The following ZMAT2 variants were observed in gnomAD, a reference collection of about 807,000 sequenced individuals.
ZMAT2 encodes the protein zinc finger matrin-type 2.
ZMAT2 carries 5 observed loss-of-function variants against 27.5 expected under a neutral mutation model. The observed-to-expected ratio is 0.18, with a 90% CI of 0.10 to 0.38. The LOEUF (loss-of-function observed/expected upper bound fraction) is 0.38, where lower values mean the gene tolerates loss of function less well. ZMAT2 is among the 10% of genes least tolerant of loss of function. The pLI is 1.00. For missense variants in ZMAT2, 124 were observed against 243.9 expected, an observed-to-expected ratio of 0.51 and a Z score of 3.27; for synonymous variants, 76 against 78.6, an observed-to-expected ratio of 0.97 and a Z score of 0.17.
At chr5:140,704,790 AT>A (rs58877117) in intron 5 of ZMAT2, among the ~76,000 whole-genome samples, 61 of 120,418 alleles carry the variant, frequency 5.1e-4, no homozygotes, top group Admixed American at 5.0e-4. Context: ...TCTGGGCCTT[AT>A]TTTTTTTTTT....
chr5:140,703,778 T>C (rs1760005845), intron 3 of ZMAT2, 140 bp from the exon 4 acceptor site: 1 of 734,752 alleles, frequency 1.4e-6, no homozygotes, highest in South Asian at 1.7e-5. Context: ...ACTGCTATAC[T>C]CTCTCGAAAG....
rs2563300 is a variant in ZMAT2 at position 140,704,810 on chromosome 5, A to T, written c.456+239A>T. On this transcript the variant is annotated intron_variant, in intron 5 of 5. Transcript: ENST00000274712. ...GCCTTATTTTTTTTTTTGTAATTTA[A>T]AAAAAAATTTTTTTTTTTTTTGGTC... is the stretch of plus-strand genomic sequence containing the variant. Among the ~76,000 whole-genome samples, 364 of 59,668 alleles carry T rather than the reference A, an allele frequency of 6.1e-3. 2 individuals carry two copies. Among genetic ancestry groups the T allele is most frequent in the African/African-American group, 0.017 (151 of 8,790 alleles). 39.1% of individuals were successfully genotyped at this position (59,668 alleles called of 152,430 possible).
At chr5:140,701,255 A>G (rs1253330793) in intron 2 of ZMAT2, among the ~76,000 whole-genome samples, 1 of 151,794 alleles carries the variant, frequency 6.6e-6, no homozygotes, top group Non-Finnish European at 1.5e-5. Context: ...GCTATCAGTG[A>G]CCCCCCTCTT....
chr5:140,704,351 A>G, intron 4 of ZMAT2, 75 bp from the exon 5 acceptor site: 1 of 1,525,294 alleles, frequency 6.6e-7, no homozygotes, highest in Non-Finnish European at 8.8e-7. Context: ...GATGTCAGAG[A>G]AGTCAGGAAA....
chr5:140,705,917 G>T lies in ZMAT2; in HGVS notation c.*161G>T. 1.1e-6 allele frequency: 1 copy of T among 907,914 alleles called. No individual in the cohort carries two copies. The highest frequency in any genetic ancestry group is 1.6e-6 in the Non-Finnish European group (1 of 626,650). The allele number at this position is 907,914 out of a possible 1,614,324, so 56.2% of individuals were successfully genotyped here. ...GGCTCATGGTTTCCCTCTACTTTGG[G>T]AGAGGGCACAGATTGCAGAGGTAAT... On this transcript the variant is annotated 3_prime_UTR_variant, in exon 6 of 6. Coordinates refer to ENST00000274712, the MANE Select transcript of ZMAT2 (RefSeq NM_144723.3).
At chr5:140,704,147 TA>T in intron 4 of ZMAT2, 156 bp downstream of exon 4, 1 of 739,470 alleles carries the variant, frequency 1.4e-6, no homozygotes, top group East Asian at 2.6e-5. Context: ...ATGCCCCTAT[TA>T]GAACTCTCCA....
intron 5 of ZMAT2, 122 bp from the exon 6 acceptor site, chr5:140,705,491 A>G: frequency 8.5e-7 from 1 of 1,176,856 alleles, no homozygotes; most frequent in Non-Finnish European, 1.2e-6. Context: ...AGAGATCTTA[A>G]TATACATGAA....
intron 5 of ZMAT2, among the ~76,000 whole-genome samples, chr5:140,705,317 ATT>A (rs35355544): frequency 8.9e-4 from 129 of 145,318 alleles, no homozygotes; most frequent in East Asian, 9.9e-4. Flanking sequence ...CTCCCCCATA[ATT>A]TTTTTTTTTT....
chr5:140,700,843 A>G lies in ZMAT2; in HGVS notation c.43A>G (p.Lys15Glu). The G allele has an allele frequency of 6.2e-7, 1 of 1,614,080 alleles. No homozygotes were observed. Among genetic ancestry groups the G allele is most frequent in the Non-Finnish European group, 8.5e-7 (1 of 1,179,944 alleles). Residue 15 changes from lysine (K) to glutamate (E), a missense_variant, in exon 2 of 6, where the codon AAG (lysine) becomes GAG (glutamate). By Grantham distance (56) the Lys-to-Glu change is moderately conservative. Coordinates refer to ENST00000274712, the MANE Select transcript of ZMAT2 (RefSeq NM_144723.3). ...GACAAAAAACTTGGACTTTCGCCGAAAGTGGGACAAAGATGAATATGAGAA... is the reference window on the plus strand; with the variant it reads ...GACAAAAAACTTGGACTTTCGCCGAGAGTGGGACAAAGATGAATATGAGAA... ...SGTKNLDFRR[K>E]WDKDEYEKLA... is the part of the protein sequence containing the mutation.
At chr5:140,704,087 T>C in intron 4 of ZMAT2, 96 bp downstream of exon 4, 1 of 1,166,010 alleles carries the variant, frequency 8.6e-7, no homozygotes, top group South Asian at 1.3e-5. Flanking sequence ...TTTTTACTCA[T>C]CAAAAGATGG....
At chr5:140,702,182 C>A (rs1209694091) in intron 3 of ZMAT2, 53 bp downstream of exon 3, 22 of 1,597,664 alleles carry the variant, frequency 1.4e-5, no homozygotes, top group East Asian at 4.5e-5. Flanking sequence ...TAATAAGCCA[C>A]CTATTTTGGT....
chr5:140,705,499 G>GAAGT (rs1422421434), intron 5 of ZMAT2, 114 bp from the exon 6 acceptor site: 2 of 1,263,588 alleles, frequency 1.6e-6, no homozygotes, highest in Non-Finnish European at 2.2e-6. Context: ...TAATATACAT[G>GAAGT]AAGTACTCAG....
chr5:140,704,524 C>G lies in ZMAT2; in HGVS notation c.409C>G (p.Gln137Glu), dbSNP rs1760018886. 1 of 1,614,002 alleles carries G rather than the reference C, an allele frequency of 6.2e-7. No individual in the cohort carries two copies. Among genetic ancestry groups the G allele is most frequent in the African/African-American group, 1.3e-5 (1 of 74,990 alleles). Residue 137 changes from glutamine to glutamate, a missense_variant, in exon 5 of 6, where the codon CAG becomes GAG. Coordinates refer to ENST00000274712, the MANE Select transcript of ZMAT2 (RefSeq NM_144723.3). The part of the protein sequence containing the change: ...EVNKKKMEEK[Q>E]KDYDFEERMK... ...CAACAAGAAGAAGATGGAAGAGAAGCAGAAGGATTATGATTTTGAGGAAAG... is the reference window on the plus strand; with the variant it reads ...CAACAAGAAGAAGATGGAAGAGAAGGAGAAGGATTATGATTTTGAGGAAAG...
chr5:140,703,367 A>G (rs1007216269), intron 3 of ZMAT2, among the ~76,000 whole-genome samples: 1 of 151,034 alleles, frequency 6.6e-6, no homozygotes, highest in African/African-American at 2.4e-5. Context: ...CAGCCTCCCA[A>G]GTAGCTGGGA....
At chr5:140,701,184 T>C (rs1759956979) in intron 2 of ZMAT2, among the ~76,000 whole-genome samples, 1 of 152,226 alleles carries the variant, frequency 6.6e-6, no homozygotes, top group Admixed American at 6.5e-5. Context: ...ACAGAGAAGA[T>C]AACGGCATCC....
chr5:140,706,187 A>G lies in ZMAT2; in HGVS notation c.*431A>G, dbSNP rs1040637392. On this transcript the variant is annotated 3_prime_UTR_variant, in exon 6 of 6. Transcript: ENST00000274712. ...AAGCATTCTCTAGGTCCCAGTTTCC[A>G]GTTGATTGCATATCCTTGATCAGCC... 2.4e-5 allele frequency: 4 copies of G among 163,544 alleles called. No homozygotes were observed. The highest frequency in any genetic ancestry group is 5.4e-5 in the Non-Finnish European group (4 of 74,406). 10.1% of individuals were successfully genotyped at this position (163,544 alleles called of 1,614,324 possible).
chr5:140,704,411 G>T lies in ZMAT2; in HGVS notation c.311-15G>T. ...TTGTAATGAACTTGCCTTCTTCACT[G>T]TTGACCCTATGCAGATCAGAGAAAC... On this transcript the variant is annotated splice_polypyrimidine_tract_variant and intron_variant, in intron 4 of 5. Transcript: ENST00000274712. 6.2e-7 allele frequency: 1 copy of T among 1,605,654 alleles called. No homozygotes were observed.
chr5:140,700,601 T>G, intron 1 of ZMAT2, 123 bp downstream of exon 1: 2 of 1,555,510 alleles, frequency 1.3e-6, no homozygotes, highest in Non-Finnish European at 8.7e-7. Context: ...AGGGTTCAGG[T>G]TCAAGAACTC....
intron 1 of ZMAT2, 117 bp downstream of exon 1, chr5:140,700,595 T>C: frequency 1.3e-6 from 2 of 1,571,194 alleles, no homozygotes; most frequent in Non-Finnish European, 1.7e-6. Flanking sequence ...GATCCCAGGG[T>C]TCAGGTTCAA....
Sources: gnomAD v4.1 joint callset for allele counts (sites outside exome capture counted in the v4.1 genomes callset) on GRCh38, gnomAD v4.1.1 for gene constraint, MANE v1.5 for transcripts, NCBI Gene and HGNC (gene_info 2026-07-23, HGNC 2026-07-21) for gene names.